Variants in OTUD7B observed in about 807,000 individuals in gnomAD.
The protein encoded by OTUD7B is OTU domain-containing protein 7B.
OTUD7B carries 34 observed loss-of-function variants against 82.2 expected under a neutral mutation model. The ratio of observed to expected loss-of-function variants is 0.41; its 90% confidence interval spans 0.31 to 0.55. The LOEUF (loss-of-function observed/expected upper bound fraction) is 0.55, where lower values mean the gene tolerates loss of function less well. Ranked by LOEUF, OTUD7B falls within the 20% of genes least tolerant of loss-of-function variation. The pLI is 0.20. For missense variants in OTUD7B, 944 were observed against 1,062.1 expected (o/e 0.89, Z 1.55); for synonymous variants, 398 against 402.7 (o/e 0.99, Z 0.14).
chr1:150,044,268 CATG>C, the OTUD7B span, among the ~76,000 whole-genome samples: 3 of 151,088 alleles, frequency 2.0e-5, no homozygotes, highest in African/African-American at 7.3e-5. Flanking sequence ...AGTGCAGTGG[CATG>C]ATCTTGGCTC....
chr1:150,043,574 T>G, the OTUD7B span, among the ~76,000 whole-genome samples: 1 of 152,072 alleles, frequency 6.6e-6, no homozygotes, highest in South Asian at 2.1e-4. Flanking sequence ...TCACCCCTAT[T>G]TGGACATAGT....
chr1:150,050,895 T>C, the OTUD7B span, among the ~76,000 whole-genome samples: 1 of 143,426 alleles, frequency 7.0e-6, no homozygotes. Flanking sequence ...CTGTCTTTAA[T>C]CACTGCTGGC....
intron 1 of OTUD7B, among the ~76,000 whole-genome samples, chr1:149,994,410 G>A (rs1553782908): frequency 6.6e-6 from 1 of 151,644 alleles, no homozygotes; most frequent in Non-Finnish European, 1.5e-5. Flanking sequence ...TTGAAACCCC[G>A]TCTCTACTAA....
At chr1:150,013,969 CACACAT>C (rs1249655931), upstream of OTUD7B, among the ~76,000 whole-genome samples, 11 of 131,976 alleles carry the variant, frequency 8.3e-5, no homozygotes, top group African/African-American at 3.0e-4. Context: ...CACACACACA[CACACAT>C]ATATATACAC....
intron 3 of OTUD7B, among the ~76,000 whole-genome samples, chr1:149,970,645 T>C (rs1017765595): frequency 5.3e-5 from 8 of 152,162 alleles, no homozygotes; most frequent in Non-Finnish European, 7.4e-5. Context: ...AGAATACTTA[T>C]GTGCACATAC....
At chr1:150,020,575 T>C in the OTUD7B span, among the ~76,000 whole-genome samples, 1 of 152,052 alleles carries the variant, frequency 6.6e-6, no homozygotes. Context: ...TCTAGGTATA[T>C]GCTGTATGGG....
the OTUD7B span, among the ~76,000 whole-genome samples, chr1:150,028,650 T>A: frequency 6.6e-6 from 1 of 152,158 alleles, no homozygotes; most frequent in African/African-American, 2.4e-5. Flanking sequence ...ACTTTCTGTC[T>A]CTATATTTTT....
At chr1:149,968,168 G>T (rs1649646357) in intron 3 of OTUD7B, among the ~76,000 whole-genome samples, 1 of 151,484 alleles carries the variant, frequency 6.6e-6, no homozygotes, top group Non-Finnish European at 1.5e-5. Context: ...GGAGGCTGAG[G>T]TGGGAGAATT....
chr1:150,064,009 T>G, the OTUD7B span, among the ~76,000 whole-genome samples: 34 of 152,354 alleles, frequency 2.2e-4, no homozygotes, highest in African/African-American at 7.9e-4. Flanking sequence ...TAATGGAAAT[T>G]ATATTTAGAA....
At chr1:150,010,287 A>G (rs921103682) in intron 1 of OTUD7B, among the ~76,000 whole-genome samples, 161 bp downstream of exon 1, 2 of 152,124 alleles carry the variant, frequency 1.3e-5, no homozygotes, top group Non-Finnish European at 2.9e-5. Context: ...AGGAGCAGTC[A>G]GGGCGAGAAA....
In OTUD7B at chr1:149,944,625, A is replaced by G; in HGVS notation, c.1764T>C (p.Tyr588=). 6.2e-7 allele frequency: 1 copy of G among 1,613,974 alleles called. No individual in the cohort carries two copies. The highest frequency in any genetic ancestry group is 1.1e-5 in the South Asian group (1 of 91,072). The change falls in exon 12 of 12, where the codon TAT becomes TAC. Residue 588 remains tyrosine (Y), a synonymous_variant. Coordinates refer to ENST00000581312, the MANE Select transcript of OTUD7B (RefSeq NM_020205.4). ...AESVGNGGSK[Y]SQEVMQSLSI... ...TCAGGCTCTGCATCACCTCCTGGCTATACTTGCTCCCTCCGTTACCAACAG... is the reference window on the plus strand; with the variant it reads ...TCAGGCTCTGCATCACCTCCTGGCTGTACTTGCTCCCTCCGTTACCAACAG...
the OTUD7B span, among the ~76,000 whole-genome samples, chr1:150,033,214 TA>T: frequency 1.3e-3 from 191 of 152,306 alleles, 1 homozygote; most frequent in Middle Eastern, 0.01. Flanking sequence ...AATTACCTTA[TA>T]AAAAAATTGT....
chr1:149,972,096 T>C (rs1195684847), intron 2 of OTUD7B, among the ~76,000 whole-genome samples: 1 of 152,206 alleles, frequency 6.6e-6, no homozygotes, highest in Non-Finnish European at 1.5e-5. Context: ...CTCTTTGGCT[T>C]GATACTCAAG....
At chr1:150,036,614 A>G in the OTUD7B span, among the ~76,000 whole-genome samples, 21,880 of 152,162 alleles carry the variant, frequency 0.14, 1,732 homozygotes, top group Non-Finnish European at 0.17. Flanking sequence ...ATTATTATGT[A>G]ATCAACCATT....
At chr1:149,985,506 G>A (rs587767966) in intron 1 of OTUD7B, among the ~76,000 whole-genome samples, 1 of 152,272 alleles carries the variant, frequency 6.6e-6, no homozygotes, top group African/African-American at 2.4e-5. Flanking sequence ...GGGAGACCAC[G>A]GAGGAAGGAT....
chr1:150,018,234 C>T, the OTUD7B span, among the ~76,000 whole-genome samples: 1 of 152,200 alleles, frequency 6.6e-6, no homozygotes, highest in East Asian at 1.9e-4. Context: ...TCTAGAAGCA[C>T]CCAAGGGAAA....
At chr1:150,015,693 C>T (rs1653246194), upstream of OTUD7B, among the ~76,000 whole-genome samples, 2 of 152,154 alleles carry the variant, frequency 1.3e-5, no homozygotes, top group South Asian at 4.1e-4. Flanking sequence ...GTCCATCCTC[C>T]TTCTTCCTCC....
At chr1:150,033,010 A>G in the OTUD7B span, among the ~76,000 whole-genome samples, 1 of 152,200 alleles carries the variant, frequency 6.6e-6, no homozygotes, top group African/African-American at 2.4e-5. Flanking sequence ...ATCTTATTAC[A>G]TGACTAGGAC....
Position 149,942,714 on chromosome 1 carries a change from A to C in OTUD7B, c.*1143T>G, listed in dbSNP as rs1293275518. The C allele has an allele frequency of 6.6e-6, 1 of 152,646 alleles. No homozygotes were observed. Among genetic ancestry groups the C allele is most frequent in the Non-Finnish European group, 1.5e-5 (1 of 68,048 alleles). The allele number at this position is 152,646 out of a possible 1,614,324, so 9.5% of individuals were successfully genotyped here. ...ATTAAGGTCAGCTATGGCTTAACAA[A>C]AGAAGCCGGGATGTTAAGTTCATTC... On this transcript the variant is annotated 3_prime_UTR_variant, in exon 12 of 12. Coordinates refer to ENST00000581312, the MANE Select transcript of OTUD7B (RefSeq NM_020205.4).
Sources: gnomAD v4.1 joint callset for allele counts (sites outside exome capture counted in the v4.1 genomes callset) on GRCh38, gnomAD v4.1.1 for gene constraint, MANE v1.5 for transcripts, NCBI Gene and HGNC (gene_info 2026-07-23, HGNC 2026-07-21) for gene names.